The following ABCB7 variants were observed in gnomAD, a reference collection of about 807,000 sequenced individuals.
ABCB7 encodes iron-sulfur clusters transporter ABCB7, mitochondrial.
A neutral mutation model predicts 54.4 loss-of-function variants in ABCB7; 7 were observed. The ratio of observed to expected loss-of-function variants is 0.13; its 90% CI spans 0.07 to 0.24. The LOEUF is 0.24. ABCB7 is among the 10% of genes least tolerant of loss of function. The pLI is 1.00. For missense variants in ABCB7, 356 were observed against 570.4 expected, an observed-to-expected ratio of 0.62 and a Z score of 3.83; for synonymous variants, 218 against 207.1, an observed-to-expected ratio of 1.05 and a Z score of -0.45.
At chrX:75,122,861 G>GGT (rs58879235) in intron 1 of ABCB7, among the ~76,000 whole-genome samples, 3,309 of 93,075 alleles carry the variant, frequency 0.036, 89 homozygotes, top group African/African-American at 0.085. Flanking sequence ...TTAAAATTGG[G>GGT]GTGTGTGTGT....
chrX:75,092,032 C>G lies in ABCB7; in HGVS notation c.453+6910G>C, dbSNP rs913379562. 3.6e-5 allele frequency among the ~76,000 whole-genome samples: 4 copies of G among 110,968 alleles called. No individual in the cohort carries two copies. The Admixed American group carries it at 3.8e-4, about 11-fold the overall frequency. On this transcript the variant is annotated intron_variant, in intron 4 of 15. Transcript: ENST00000373394. ...TCTATAGATTCAATGTGACCCCAAT[C>G]AAAATCCCAGTAAGTAATTTTGTGG...
chrX:75,053,056 C>T lies in ABCB7; in HGVS notation c.*314G>A, dbSNP rs966598105. The T allele has an allele frequency of 2.0e-5, 5 of 249,723 alleles. No homozygotes were observed. Among genetic ancestry groups the T allele is most frequent in the African/African-American group, 5.7e-5 (2 of 35,234 alleles). 20.6% of individuals were successfully genotyped at this position (249,723 alleles called of 1,213,427 possible). ...TTTAAAAACTATAAAAATTGGGAAA[C>T]CAATCTGATTCATCTGGCTATAGAT... On this transcript the variant is annotated 3_prime_UTR_variant, in exon 16 of 16. Transcript: ENST00000373394.
chrX:75,112,885 C>T lies in ABCB7; in HGVS notation c.333+1G>A. 1 of 1,204,681 alleles carries T rather than the reference C, an allele frequency of 8.3e-7. No individual in the cohort carries two copies. The highest frequency in any genetic ancestry group is 1.1e-6 in the Non-Finnish European group (1 of 889,645). ...TCCAGTTACTTGTTACTGGCTCTTA[C>T]CCCTTCTTTTGGGTCTGTGTGGAGT... is the stretch of plus-strand genomic sequence containing the variant. On this transcript the variant is annotated splice_donor_variant, in intron 3 of 15. Coordinates refer to ENST00000373394, the MANE Select transcript of ABCB7 (RefSeq NM_001271696.3). LOFTEE classifies it high-confidence loss of function.
At chrX:75,067,245 G>T (rs182401078) in intron 12 of ABCB7, among the ~76,000 whole-genome samples, 18 of 111,584 alleles carry the variant, frequency 1.6e-4, no homozygotes, top group African/African-American at 5.2e-4. Context: ...GTATCCTGTT[G>T]TTGATTTAAT....
intron 4 of ABCB7, among the ~76,000 whole-genome samples, chrX:75,087,735 GT>G (rs2081510272): frequency 8.9e-6 from 1 of 112,035 alleles, no homozygotes; most frequent in Non-Finnish European, 1.9e-5. Flanking sequence ...TAGTCTGATA[GT>G]TTGAAAGTAT....
Position 75,156,256 on chromosome X carries a change from A to T in ABCB7, c.17T>A (p.Met6Lys). Residue 6 changes from methionine to lysine, a missense_variant, in exon 1 of 16, where the codon ATG becomes AAG. Transcript: ENST00000373394. Reference protein sequence around the residue: MALLAMHSWRWAAAAA... With the variant: MALLAKHSWRWAAAAA... ...CGCGGCCGCCCAGCGCCAAGAATGC[A>T]TCGCGAGCAGCGCCATCTTGAGCGA... The T allele has an allele frequency of 8.3e-7, 1 of 1,205,255 alleles. No homozygotes were observed. Among genetic ancestry groups the T allele is most frequent in the East Asian group, 3.0e-5 (1 of 33,602 alleles).
At chrX:75,084,745 A>G (rs1207684377) in intron 4 of ABCB7, among the ~76,000 whole-genome samples, 1 of 112,191 alleles carries the variant, frequency 8.9e-6, no homozygotes, top group African/African-American at 3.2e-5. Context: ...TAAAGGTTTC[A>G]TATCAGAATA....
At chrX:75,151,223 T>C (rs969360580) in intron 1 of ABCB7, among the ~76,000 whole-genome samples, 1 of 111,856 alleles carries the variant, frequency 8.9e-6, no homozygotes, top group Non-Finnish European at 1.9e-5. Context: ...ACTTAGAGAA[T>C]GTTATTTATT....
At chrX:75,086,849 C>G (rs2081501975) in intron 4 of ABCB7, among the ~76,000 whole-genome samples, 1 of 111,649 alleles carries the variant, frequency 9.0e-6, no homozygotes, top group Admixed American at 9.5e-5. Context: ...CAGCTAGATC[C>G]AAGATGGTGA....
At chrX:75,117,784 C>T (rs774024381) in intron 1 of ABCB7, among the ~76,000 whole-genome samples, 8 of 111,797 alleles carry the variant, frequency 7.2e-5, no homozygotes, top group Non-Finnish European at 1.5e-4. Context: ...AATCCCTTTG[C>T]TACTGGCAAG....
chrX:75,129,163 A>C (rs1198478088), intron 1 of ABCB7, among the ~76,000 whole-genome samples: 2 of 112,241 alleles, frequency 1.8e-5, no homozygotes, highest in Non-Finnish European at 3.8e-5. Flanking sequence ...TTATTGCAGC[A>C]CTATTCACAA....
At chrX:75,122,038 C>G (rs1484219070) in intron 1 of ABCB7, among the ~76,000 whole-genome samples, 1 of 111,477 alleles carries the variant, frequency 9.0e-6, no homozygotes, top group African/African-American at 3.3e-5. Flanking sequence ...GGTGAAATGT[C>G]AGAGGCATTT....
At chrX:75,117,329 G>C (rs767261578) in intron 1 of ABCB7, among the ~76,000 whole-genome samples, 1 of 110,867 alleles carries the variant, frequency 9.0e-6, no homozygotes, top group Non-Finnish European at 1.9e-5. Flanking sequence ...CTATACTAAA[G>C]AAACCCGACC....
At chrX:75,144,730 T>A (rs1207240608) in intron 1 of ABCB7, among the ~76,000 whole-genome samples, 1 of 109,355 alleles carries the variant, frequency 9.1e-6, no homozygotes, top group Non-Finnish European at 1.9e-5. Context: ...AACCTAAGTA[T>A]AAATAGCTCT....
intron 4 of ABCB7, among the ~76,000 whole-genome samples, chrX:75,087,521 T>A (rs1296439110): frequency 8.9e-6 from 1 of 112,003 alleles, no homozygotes; most frequent in Non-Finnish European, 1.9e-5. Context: ...TTCTGGCTTG[T>A]ATATAAAGTT....
intron 2 of ABCB7, among the ~76,000 whole-genome samples, 169 bp downstream of exon 2, chrX:75,114,585 A>G (rs1211995533): frequency 8.9e-6 from 1 of 112,529 alleles, no homozygotes; most frequent in Non-Finnish European, 1.9e-5. Flanking sequence ...GAAAACATCA[A>G]GACTTCTCTC....
chrX:75,117,013 T>C (rs1040642378), intron 1 of ABCB7, among the ~76,000 whole-genome samples: 2 of 111,449 alleles, frequency 1.8e-5, no homozygotes, highest in African/African-American at 6.5e-5. Flanking sequence ...CCACCTTGAT[T>C]ATGTGCTTGC....
intron 1 of ABCB7, among the ~76,000 whole-genome samples, chrX:75,134,688 A>G (rs1195680770): frequency 8.9e-6 from 1 of 112,161 alleles, no homozygotes; most frequent in African/African-American, 3.2e-5. Context: ...AATACTATAA[A>G]AGTACATGGA....
chrX:75,059,622 A>G (rs1428308703), intron 15 of ABCB7, among the ~76,000 whole-genome samples: 1 of 111,422 alleles, frequency 9.0e-6, no homozygotes, highest in Non-Finnish European at 1.9e-5. Flanking sequence ...AGGTCCTTAC[A>G]GAAAGAAGAA....
Sources: gnomAD v4.1 joint callset for allele counts (sites outside exome capture counted in the v4.1 genomes callset) on GRCh38, gnomAD v4.1.1 for gene constraint, MANE v1.5 for transcripts, NCBI Gene and HGNC (gene_info 2026-07-23, HGNC 2026-07-21) for gene names.